The following NTN1 variants were observed in gnomAD, a reference collection of about 807,000 sequenced individuals.
NTN1 encodes netrin 1, also known as netrin-1.
In NTN1, 11 loss-of-function variants were observed where a neutral mutation model predicts 54.2. The observed-to-expected ratio is 0.20, with a 90% confidence interval of 0.13 to 0.34. The LOEUF is 0.34. NTN1 is among the 10% of genes least tolerant of loss of function. The probability of loss-of-function intolerance (pLI) is 1.00; values close to 1 mark genes in which losing one functional copy is unlikely to be tolerated. For missense variants in NTN1, 740 were observed against 893.1 expected (o/e 0.83, Z 2.18); for synonymous variants, 371 against 382.0 (o/e 0.97, Z 0.33).
intron 6 of NTN1, among the ~76,000 whole-genome samples, chr17:9,236,462 T>C (rs9911461): frequency 0.99 from 151,333 of 152,366 alleles, 75,153 homozygotes; most frequent in East Asian, 1. Flanking sequence ...TGTATGTGCA[T>C]GGCAGGGGCT....
chr17:9,148,944 G>C (rs1391132294), intron 2 of NTN1, among the ~76,000 whole-genome samples: 1 of 151,996 alleles, frequency 6.6e-6, no homozygotes, highest in Non-Finnish European at 1.5e-5. Flanking sequence ...GGGTAGAGGG[G>C]AACAAAGGGC....
chr17:9,005,566 G>T, the NTN1 span, among the ~76,000 whole-genome samples: 2 of 152,122 alleles, frequency 1.3e-5, no homozygotes, highest in Admixed American at 1.3e-4. Flanking sequence ...GTGGTATAAG[G>T]ACCATATTTA....
chr17:9,066,487 G>C (rs542380709), intron 2 of NTN1, among the ~76,000 whole-genome samples: 4 of 151,902 alleles, frequency 2.6e-5, no homozygotes, highest in Admixed American at 1.3e-4. Context: ...AATTAGCCAG[G>C]TGTGGTGGTG....
chr17:9,091,438 A>G (rs1411451772), intron 2 of NTN1, among the ~76,000 whole-genome samples: 1 of 142,428 alleles, frequency 7.0e-6, no homozygotes, highest in East Asian at 2.2e-4. Context: ...ACTGGATCCT[A>G]CGTTTAACCC....
intron 2 of NTN1, among the ~76,000 whole-genome samples, chr17:9,136,380 C>G (rs1470461330): frequency 6.6e-6 from 1 of 152,210 alleles, no homozygotes; most frequent in African/African-American, 2.4e-5. Flanking sequence ...TCTAGACCAG[C>G]CTGGCCAACA....
intron 2 of NTN1, among the ~76,000 whole-genome samples, chr17:9,124,254 T>G (rs2092239348): frequency 6.6e-6 from 1 of 152,226 alleles, no homozygotes; most frequent in Non-Finnish European, 1.5e-5. Flanking sequence ...CAATCCTTGT[T>G]TTTTCCTTCC....
chr17:9,155,157 A>G, intron 2 of NTN1, among the ~76,000 whole-genome samples: 1 of 152,208 alleles, frequency 6.6e-6, no homozygotes, highest in Non-Finnish European at 1.5e-5. Context: ...AGCTCTGGTC[A>G]CCGTTGAAAA....
intron 2 of NTN1, among the ~76,000 whole-genome samples, chr17:9,073,229 T>C (rs553737623): frequency 1.3e-5 from 2 of 152,304 alleles, no homozygotes; most frequent in African/African-American, 4.8e-5. Flanking sequence ...CCCAGACACC[T>C]GTCTCCTGAG....
intron 2 of NTN1, among the ~76,000 whole-genome samples, chr17:9,159,652 T>C (rs755430533): frequency 2.8e-4 from 43 of 152,028 alleles, no homozygotes; most frequent in Non-Finnish European, 5.3e-4. Flanking sequence ...ATACAAAAAA[T>C]TAGCCGGGTG....
At chr17:9,039,961 T>G (rs1437175703) in intron 2 of NTN1, among the ~76,000 whole-genome samples, 2 of 152,250 alleles carry the variant, frequency 1.3e-5, no homozygotes, top group Non-Finnish European at 2.9e-5. Flanking sequence ...CTTTTAGAAG[T>G]CTTTGCATGG....
chr17:9,217,910 T>G (rs1243573373), intron 5 of NTN1, among the ~76,000 whole-genome samples: 1 of 148,696 alleles, frequency 6.7e-6, no homozygotes, highest in Non-Finnish European at 1.5e-5. Context: ...GAGGGTGATG[T>G]CATTTTCTGT....
Position 9,122,099 on chromosome 17 carries a change from G to A in NTN1, c.1019-40714G>A, listed in dbSNP as rs768615873. On this transcript the variant is annotated intron_variant, in intron 2 of 6. Coordinates refer to ENST00000173229, the MANE Select transcript of NTN1 (RefSeq NM_004822.3). ...GTCGCCCAGGCTGGAGTGCAGTGGC[G>A]CAATCTCGGCTCACTGCAAGCTCCG... 1.4e-4 allele frequency among the ~76,000 whole-genome samples: 21 copies of A among 150,802 alleles called. No individual in the cohort carries two copies. In the East Asian group the frequency reaches 4.1e-3, roughly 30 times the overall value.
At chr17:9,100,814 C>A (rs555089236) in intron 2 of NTN1, among the ~76,000 whole-genome samples, 1 of 152,028 alleles carries the variant, frequency 6.6e-6, no homozygotes, top group East Asian at 1.9e-4. Context: ...TTATGTCATC[C>A]TGTCAGTTAG....
chr17:9,156,070 G>T (rs927502552), intron 2 of NTN1, among the ~76,000 whole-genome samples: 1 of 152,110 alleles, frequency 6.6e-6, no homozygotes, highest in Non-Finnish European at 1.5e-5. Context: ...GAGGGAAGAA[G>T]CGCCCCCCAC....
At chr17:9,190,435 T>C (rs943191317) in intron 5 of NTN1, among the ~76,000 whole-genome samples, 3 of 152,244 alleles carry the variant, frequency 2.0e-5, no homozygotes, top group Non-Finnish European at 4.4e-5. Context: ...CAATAATTTT[T>C]TTAAAAGAAG....
chr17:9,222,703 G>T (rs553964252), intron 6 of NTN1, among the ~76,000 whole-genome samples: 3 of 152,132 alleles, frequency 2.0e-5, no homozygotes, highest in Non-Finnish European at 4.4e-5. Context: ...CCCCGTGGGG[G>T]TCCGGCAGCC....
At chr17:9,227,121 C>T (rs1049351419) in intron 6 of NTN1, among the ~76,000 whole-genome samples, 13 of 152,262 alleles carry the variant, frequency 8.5e-5, no homozygotes, top group African/African-American at 2.6e-4. Flanking sequence ...CCTGTCTGCG[C>T]TGCCTCCCAC....
At chr17:9,223,556 C>CAAAAAAAA (rs369166076) in intron 6 of NTN1, among the ~76,000 whole-genome samples, 3,237 of 148,874 alleles carry the variant, frequency 0.022, 132 homozygotes, top group African/African-American at 0.075. Context: ...GACTCTGTCT[C>CAAAAAAAA]AAAAAAAAGA....
intron 2 of NTN1, among the ~76,000 whole-genome samples, chr17:9,041,988 G>A (rs1265125204): frequency 1.3e-5 from 2 of 150,412 alleles, no homozygotes; most frequent in African/African-American, 4.9e-5. Context: ...CAGCCTGGGC[G>A]ACAGAGTGGG....
Sources: gnomAD v4.1 joint callset for allele counts (sites outside exome capture counted in the v4.1 genomes callset) on GRCh38, gnomAD v4.1.1 for gene constraint, MANE v1.5 for transcripts, NCBI Gene and HGNC (gene_info 2026-07-23, HGNC 2026-07-21) for gene names.